NRG3: variants seen among roughly 807,000 people sequenced by gnomAD.
The protein encoded by NRG3 is pro-neuregulin-3, membrane-bound isoform.
In NRG3, 31 loss-of-function variants were observed where a neutral mutation model predicts 66.9. That is an observed-to-expected ratio of 0.46 (90% CI 0.35 to 0.63). The LOEUF (loss-of-function observed/expected upper bound fraction) is 0.63. NRG3 is among the 20% of genes least tolerant of loss of function. The pLI is 0.00. For synonymous variants in NRG3, 393 were observed against 359.4 expected (o/e 1.09, Z -1.06); for missense variants, 910 against 878.9 (o/e 1.04, Z -0.45).
chr10:82,626,704 C>G (rs2049448643), intron 2 of NRG3, among the ~76,000 whole-genome samples: 1 of 152,144 alleles, frequency 6.6e-6, no homozygotes. Context: ...AACATACACA[C>G]AGAATAACTT....
chr10:82,298,338 A>C (rs765216074), intron 1 of NRG3, among the ~76,000 whole-genome samples: 14 of 152,116 alleles, frequency 9.2e-5, no homozygotes, highest in Non-Finnish European at 1.5e-4. Flanking sequence ...TTTCTTAACT[A>C]TCTAAAAGTA....
chr10:82,083,127 C>T (rs1590044341), intron 1 of NRG3, among the ~76,000 whole-genome samples: 1 of 151,826 alleles, frequency 6.6e-6, no homozygotes, highest in Non-Finnish European at 1.5e-5. Flanking sequence ...TCTTAAATAC[C>T]ACTCACACAC....
intron 1 of NRG3, among the ~76,000 whole-genome samples, chr10:82,020,379 A>T (rs997940460): frequency 6.6e-6 from 1 of 152,038 alleles, no homozygotes; most frequent in Admixed American, 6.6e-5. Flanking sequence ...CCTTAAGCAA[A>T]CACTAGGTAT....
At chr10:81,923,938 T>C (rs576786670) in intron 1 of NRG3, among the ~76,000 whole-genome samples, 1 of 152,330 alleles carries the variant, frequency 6.6e-6, no homozygotes, top group Non-Finnish European at 1.5e-5. Flanking sequence ...GCTGCGTATG[T>C]GCCTTAGGCC....
chr10:82,857,817 G>A lies in NRG3; in HGVS notation c.1028-7594G>A, dbSNP rs562420747. Among the ~76,000 whole-genome samples, 17 of 152,222 alleles carry A rather than the reference G, an allele frequency of 1.1e-4. No homozygotes were observed. In the South Asian group the frequency reaches 2.7e-3, roughly 24 times the overall value. On this transcript the variant is annotated intron_variant, in intron 3 of 8. Coordinates refer to ENST00000372141, the MANE Select transcript of NRG3 (RefSeq NM_001010848.4). Reference sequence around the variant, plus strand: ...AAAATTATGTATTTAGTGACTTAGCGTAATTTCATAAAGGGAGCATGAAGT... The same window carrying A: ...AAAATTATGTATTTAGTGACTTAGCATAATTTCATAAAGGGAGCATGAAGT...
chr10:81,956,133 G>A (rs1849810651), intron 1 of NRG3, among the ~76,000 whole-genome samples: 2 of 152,258 alleles, frequency 1.3e-5, no homozygotes, highest in South Asian at 4.1e-4. Flanking sequence ...TTGAAACTTT[G>A]TGGTGGCTTT....
chr10:82,599,718 G>T (rs1341342745), intron 2 of NRG3, among the ~76,000 whole-genome samples: 1 of 152,158 alleles, frequency 6.6e-6, no homozygotes, highest in African/African-American at 2.4e-5. Flanking sequence ...TTGGGAGGCT[G>T]AGGCATGAGA....
intron 1 of NRG3, among the ~76,000 whole-genome samples, chr10:82,252,435 G>T (rs1214545113): frequency 1.3e-5 from 2 of 152,078 alleles, no homozygotes; most frequent in African/African-American, 4.8e-5. Flanking sequence ...CAGAGGCATT[G>T]GAAAAGTTCA....
intron 2 of NRG3, among the ~76,000 whole-genome samples, chr10:82,710,974 GT>G (rs1440094845): frequency 1.3e-5 from 2 of 152,072 alleles, no homozygotes; most frequent in African/African-American, 2.4e-5. Context: ...ATGTTGCTAT[GT>G]TTCACAGGCT....
At chr10:82,868,133 G>A (rs1003163649) in intron 4 of NRG3, among the ~76,000 whole-genome samples, 1 of 152,158 alleles carries the variant, frequency 6.6e-6, no homozygotes, top group African/African-American at 2.4e-5. Context: ...AAATTGCCAT[G>A]CAAATTTTAA....
intron 3 of NRG3, among the ~76,000 whole-genome samples, chr10:82,755,170 G>T (rs1259899172): frequency 6.6e-6 from 1 of 152,056 alleles, no homozygotes; most frequent in East Asian, 1.9e-4. Context: ...AACCATTGTA[G>T]TATTATCAGT....
At chr10:82,050,558 G>A (rs2063543412) in intron 1 of NRG3, among the ~76,000 whole-genome samples, 1 of 151,962 alleles carries the variant, frequency 6.6e-6, no homozygotes, top group Non-Finnish European at 1.5e-5. Context: ...AGAAGGTCTT[G>A]CTACCTGCTC....
intron 2 of NRG3, among the ~76,000 whole-genome samples, chr10:82,399,026 T>A (rs547472566): frequency 6.6e-6 from 1 of 152,236 alleles, no homozygotes; most frequent in Non-Finnish European, 1.5e-5. Context: ...TCTGAGACTA[T>A]GACAAGTGAT....
chr10:82,606,399 T>A (rs564377355), intron 2 of NRG3, among the ~76,000 whole-genome samples: 1 of 152,314 alleles, frequency 6.6e-6, no homozygotes, highest in African/African-American at 2.4e-5. Context: ...TGATTTCTGT[T>A]CTTTTAAATG....
At chr10:82,900,559 A>G (rs1283947644) in intron 4 of NRG3, among the ~76,000 whole-genome samples, 1 of 152,200 alleles carries the variant, frequency 6.6e-6, no homozygotes, top group East Asian at 1.9e-4. Context: ...CTTGACAAAT[A>G]CTAATAAAAC....
rs536489333 is a variant in NRG3 at position 82,623,912 on chromosome 10, G to C, written c.954-114665G>C. The stretch of plus-strand genomic sequence containing the variant: ...TTCTTCCAGAGACATGTATGATAGG[G>C]AAGGGACCCCAGAATGCTTCCTGTT... On this transcript the variant is annotated intron_variant, in intron 2 of 8. Transcript: ENST00000372141. Among the ~76,000 whole-genome samples the C allele has an allele frequency of 9.5e-4, 144 of 152,148 alleles. 1 individual carries two copies. The highest frequency in any genetic ancestry group is 1.4e-3 in the Non-Finnish European group (96 of 68,012).
intron 2 of NRG3, among the ~76,000 whole-genome samples, chr10:82,694,819 A>G (rs1405853357): frequency 6.6e-6 from 1 of 152,216 alleles, no homozygotes; most frequent in Non-Finnish European, 1.5e-5. Context: ...ATTTATTCAA[A>G]TTAGTTATAC....
At chr10:82,343,898 C>T (rs1055414785) in intron 1 of NRG3, among the ~76,000 whole-genome samples, 2 of 152,002 alleles carry the variant, frequency 1.3e-5, no homozygotes, top group African/African-American at 2.4e-5. Context: ...CTCTTATGAC[C>T]GTACAGATTT....
intron 2 of NRG3, among the ~76,000 whole-genome samples, chr10:82,695,414 C>T (rs931007521): frequency 1.3e-5 from 2 of 151,826 alleles, no homozygotes; most frequent in Admixed American, 6.6e-5. Context: ...GTCACGGAAT[C>T]GTTAAATATA....
Sources: allele counts gnomAD v4.1 joint callset (sites outside exome capture counted in the v4.1 genomes callset), GRCh38; gene constraint gnomAD v4.1.1; transcripts MANE v1.5; gene names NCBI Gene and HGNC (gene_info 2026-07-23, HGNC 2026-07-21).